RDX: variants seen among roughly 807,000 people sequenced by gnomAD.
RDX encodes deafness, autosomal recessive 24.
In RDX, 32 loss-of-function variants were observed where a neutral mutation model predicts 83.7. That is an observed-to-expected ratio of 0.38 (90% confidence interval 0.29 to 0.51). The LOEUF (loss-of-function observed/expected upper bound fraction) is 0.51, where lower values mean the gene tolerates loss of function less well. Among genes scored for constraint, RDX ranks in the 20% least tolerant of loss-of-function variants. The probability of loss-of-function intolerance (pLI) is 0.87; values close to 1 mark genes in which losing one functional copy is unlikely to be tolerated. For missense variants in RDX, 600 were observed against 689.9 expected, an observed-to-expected ratio of 0.87 and a Z score of 1.46; for synonymous variants, 229 against 222.7, an observed-to-expected ratio of 1.03 and a Z score of -0.25.
chr11:110,205,057 G>C (rs1041073159), intron 14 of RDX, among the ~76,000 whole-genome samples: 2 of 152,114 alleles, frequency 1.3e-5, no homozygotes, highest in African/African-American at 4.8e-5. Flanking sequence ...CACAGGGATA[G>C]AAACACTGAC....
chr11:110,220,842 T>A (rs1864219633), intron 14 of RDX, among the ~76,000 whole-genome samples: 1 of 144,486 alleles, frequency 6.9e-6, no homozygotes, highest in South Asian at 2.2e-4. Flanking sequence ...TCTAATGTGC[T>A]GTGAACTGAT....
chr11:110,231,472 A>G lies in RDX; in HGVS notation c.*397T>C. ...AATGTGAGTGAGAGAGAATGTGGAA[A>G]TAGGTTAAATATGGAAAGGGCAAGG... On this transcript the variant is annotated 3_prime_UTR_variant, in exon 14 of 14. Coordinates refer to ENST00000645495, the MANE Select transcript of RDX (RefSeq NM_002906.4). 1 of 249,112 alleles carries G rather than the reference A, an allele frequency of 4.0e-6. No homozygotes were observed. Among genetic ancestry groups the G allele is most frequent in the African/African-American group, 2.2e-5 (1 of 44,564 alleles). 15.4% of individuals were successfully genotyped at this position (249,112 alleles called of 1,614,324 possible).
chr11:110,195,186 G>A (rs539879271), intron 15 of RDX, among the ~76,000 whole-genome samples: 14 of 151,970 alleles, frequency 9.2e-5, no homozygotes, highest in Middle Eastern at 3.4e-3. Flanking sequence ...GGATGGTCTC[G>A]CTCTCTTGAC....
chr11:110,193,977 C>T (rs1863152677), intron 15 of RDX, among the ~76,000 whole-genome samples: 2 of 152,174 alleles, frequency 1.3e-5, no homozygotes, highest in Admixed American at 1.3e-4. Context: ...TAGAAAAACC[C>T]ATATGTAGAA....
chr11:110,219,030 T>C (rs914066854), intron 14 of RDX, among the ~76,000 whole-genome samples: 4 of 152,116 alleles, frequency 2.6e-5, no homozygotes, highest in Non-Finnish European at 5.9e-5. Flanking sequence ...AATAGGTAAA[T>C]ATATAGTATG....
At chr11:110,198,817 C>T (rs10789754) in intron 15 of RDX, among the ~76,000 whole-genome samples, 65,781 of 150,694 alleles carry the variant, frequency 0.44, 14,462 homozygotes, top group East Asian at 0.6. Flanking sequence ...AATCTGAATA[C>T]GTCTTTTTTT....
chr11:110,281,596 G>C (rs1005178985), intron 1 of RDX, among the ~76,000 whole-genome samples: 3 of 152,082 alleles, frequency 2.0e-5, no homozygotes, highest in African/African-American at 7.2e-5. Context: ...CGAAGTGCTG[G>C]GATTACAGGC....
At chr11:110,210,507 C>T (rs1157952639) in intron 14 of RDX, among the ~76,000 whole-genome samples, 3 of 150,226 alleles carry the variant, frequency 2.0e-5, no homozygotes, top group East Asian at 2.0e-4. Context: ...AGATACTCCT[C>T]GAGAAGAGCA....
Position 110,258,198 on chromosome 11 carries a change from A to G in RDX, c.468-9T>C. The stretch of plus-strand genomic sequence containing the variant: ...TGTGTTGTTCCAATACACTAAGAGG[A>G]CCAAAAAAAAAAAAAAATTATAATG... On this transcript the variant is annotated splice_polypyrimidine_tract_variant and intron_variant, in intron 5 of 13. Transcript: ENST00000645495. The G allele has an allele frequency of 6.6e-7, 1 of 1,519,952 alleles. No individual in the cohort carries two copies. Among genetic ancestry groups the G allele is most frequent in the Non-Finnish European group, 9.0e-7 (1 of 1,114,028 alleles). The allele number at this position is 1,519,952 out of a possible 1,614,324, so 94.2% of individuals were successfully genotyped here. A position where few individuals can be genotyped will look rare whatever the true frequency, so the allele number is the denominator to read the frequency against.
chr11:110,208,930 T>C (rs1863706223), intron 14 of RDX, among the ~76,000 whole-genome samples: 1 of 152,180 alleles, frequency 6.6e-6, no homozygotes, highest in Non-Finnish European at 1.5e-5. Flanking sequence ...CACTCTAGCC[T>C]GGGCAACAAG....
chr11:110,206,651 C>G (rs534694629), intron 14 of RDX, among the ~76,000 whole-genome samples: 23 of 152,218 alleles, frequency 1.5e-4, no homozygotes, highest in African/African-American at 5.5e-4. Context: ...CTACTAGATG[C>G]ATTTCATTCT....
rs1173678707 is a variant in RDX at position 110,230,351 on chromosome 11, GAA to G, written c.*1516_*1517del. On this transcript the variant is annotated 3_prime_UTR_variant, in exon 14 of 14. Coordinates refer to ENST00000645495, the MANE Select transcript of RDX (RefSeq NM_002906.4). ...GAATATTAGAACCTCCTTCTAACTG[GAA>G]AGATTTCTTCAGTAAGCTATAACCG... is the stretch of plus-strand genomic sequence containing the variant. 6.6e-6 allele frequency: 1 copy of G among 152,066 alleles called. No homozygotes were observed. The highest frequency in any genetic ancestry group is 1.9e-4 in the East Asian group (1 of 5,190). The allele number at this position is 152,066 out of a possible 1,614,324, so 9.4% of individuals were successfully genotyped here. A position where few individuals can be genotyped will look rare whatever the true frequency, so the allele number is the denominator to read the frequency against.
chr11:110,199,785 G>A (rs1591505911), intron 14 of RDX: 12 of 692,602 alleles, frequency 1.7e-5, no homozygotes, highest in Non-Finnish European at 2.4e-5. Context: ...ACATCAGGGC[G>A]CTCTTGTCAG....
chr11:110,275,352 T>C (rs1228213534), intron 2 of RDX, among the ~76,000 whole-genome samples: 1 of 152,200 alleles, frequency 6.6e-6, no homozygotes, highest in Admixed American at 6.5e-5. Context: ...GGTTGCAGAA[T>C]AAGTTATACC....
At chr11:110,189,290 C>A (rs868484546) in intron 15 of RDX, among the ~76,000 whole-genome samples, 38 of 82,480 alleles carry the variant, frequency 4.6e-4, no homozygotes, top group Middle Eastern at 0.018. Context: ...TACATAATGA[C>A]AAAGGGATCA....
intron 14 of RDX, among the ~76,000 whole-genome samples, chr11:110,204,878 T>A (rs1247382335): frequency 1.3e-5 from 2 of 152,184 alleles, no homozygotes; most frequent in African/African-American, 4.8e-5. Flanking sequence ...GTCCCCAAAG[T>A]ATTTTTTCCC....
At chr11:110,219,724 T>C (rs181275288) in intron 14 of RDX, among the ~76,000 whole-genome samples, 23 of 152,336 alleles carry the variant, frequency 1.5e-4, no homozygotes, top group South Asian at 8.3e-4. Context: ...AGGGGAAGAC[T>C]GAGGCAGGAG....
intron 15 of RDX, among the ~76,000 whole-genome samples, chr11:110,178,575 G>T (rs1046278978): frequency 6.6e-6 from 1 of 152,186 alleles, no homozygotes; most frequent in Non-Finnish European, 1.5e-5. Flanking sequence ...GACGGGACAG[G>T]TTCACAGAGA....
intron 15 of RDX, among the ~76,000 whole-genome samples, chr11:110,178,938 G>A (rs896865160): frequency 6.6e-6 from 1 of 152,208 alleles, no homozygotes; most frequent in African/African-American, 2.4e-5. Context: ...CCTGCCACCA[G>A]CCCTGCTGAT....
Sources: gnomAD v4.1 joint callset for allele counts (sites outside exome capture counted in the v4.1 genomes callset) on GRCh38, gnomAD v4.1.1 for gene constraint, MANE v1.5 for transcripts, NCBI Gene and HGNC (gene_info 2026-07-23, HGNC 2026-07-21) for gene names.